Variants in ZNF91 observed in about 807,000 individuals in gnomAD.
ZNF91 encodes the protein zinc finger protein 91 (HPF7, HTF10).
In ZNF91, 7 loss-of-function variants were observed where a neutral mutation model predicts 12.6. The ratio of observed to expected loss-of-function variants is 0.55; its 90% CI spans 0.31 to 1.04. ZNF91 has a LOEUF of 1.04. Among genes scored for constraint, ZNF91 ranks in the 50% least tolerant of loss-of-function variants. ZNF91 has a pLI of 0.05. For missense variants in ZNF91, 1,217 were observed against 1,385.4 expected, an observed-to-expected ratio of 0.88 and a Z score of 1.93; for synonymous variants, 453 against 462.6, an observed-to-expected ratio of 0.98 and a Z score of 0.27.
chr19:23,349,231 C>A (rs1467730891), intron 3 of ZNF91, among the ~76,000 whole-genome samples: 2 of 152,060 alleles, frequency 1.3e-5, no homozygotes, highest in African/African-American at 4.8e-5. Flanking sequence ...AATTCGTACG[C>A]CCCTCCCCTT....
downstream of ZNF91, chr19:23,357,644 G>A (rs765490598): frequency 1.3e-5 from 2 of 151,956 alleles, no homozygotes; most frequent in African/African-American, 4.8e-5. Context: ...CCACATGTTC[G>A]AAGAAAAATA....
At chr19:23,384,784 C>T (rs1462822829) in intron 1 of ZNF91, 10 of 648,630 alleles carry the variant, frequency 1.5e-5, no homozygotes, top group African/African-American at 3.6e-5. Context: ...TAAGTTCTTC[C>T]GGGCCAACAG....
At chr19:23,351,186 A>G (rs1250523196) in intron 3 of ZNF91, among the ~76,000 whole-genome samples, 1 of 152,128 alleles carries the variant, frequency 6.6e-6, no homozygotes, top group East Asian at 1.9e-4. Flanking sequence ...TTAGCTGGGC[A>G]TGATGGCGCA....
At chr19:23,340,481 A>C (rs1248203947) in intron 3 of ZNF91, among the ~76,000 whole-genome samples, 1 of 152,156 alleles carries the variant, frequency 6.6e-6, no homozygotes, top group East Asian at 1.9e-4. Flanking sequence ...TAGAGTCGGG[A>C]AGAAATAGAG....
intron 3 of ZNF91, among the ~76,000 whole-genome samples, chr19:23,369,340 G>T (rs1372875823): frequency 6.6e-6 from 1 of 151,152 alleles, no homozygotes; most frequent in Non-Finnish European, 1.5e-5. Flanking sequence ...CGGGAGGGAG[G>T]TGGGGGGCAG....
Position 23,358,923 on chromosome 19 carries a change from G to T in ZNF91, c.*480C>A. 1 of 250,764 alleles carries T rather than the reference G, an allele frequency of 4.0e-6. No individual in the cohort carries two copies. The allele number at this position is 250,764 out of a possible 1,614,324, so 15.5% of individuals were successfully genotyped here. A position where few individuals can be genotyped will look rare whatever the true frequency, so the allele number is the denominator to read the frequency against. Reference sequence around the variant, plus strand: ...TGTTAAGAATTCAGGACTTTTTATAGACTTTACCACATTATTCACACTTGT... The same window carrying T: ...TGTTAAGAATTCAGGACTTTTTATATACTTTACCACATTATTCACACTTGT... On this transcript the variant is annotated 3_prime_UTR_variant, in exon 4 of 4. Coordinates refer to ENST00000300619, the MANE Select transcript of ZNF91 (RefSeq NM_003430.4).
intron 1 of ZNF91, among the ~76,000 whole-genome samples, chr19:23,316,908 G>A (rs531397386): frequency 3.9e-5 from 6 of 152,224 alleles, no homozygotes; most frequent in Admixed American, 6.5e-5. Context: ...ACCCTTACAC[G>A]TGGACAGAGC....
chr19:23,354,838 G>A (rs1968447883), downstream of ZNF91, among the ~76,000 whole-genome samples: 1 of 151,726 alleles, frequency 6.6e-6, no homozygotes, highest in African/African-American at 2.4e-5. Context: ...ACCAAATGGA[G>A]AATTAAATCA....
At position 23,360,851 on chromosome 19, in the gene ZNF91, C is replaced by T; in HGVS notation, c.2128G>A (p.Gly710Arg). Residue 710 changes from glycine (G) to arginine (R), a missense_variant, in exon 4 of 4, where the codon GGA becomes AGA. By Grantham distance (125) the Gly-to-Arg change is moderately radical (BLOSUM62 -2). This residue lies in a region of ZNF91 where 726 missense variants were observed against 895.5 expected (regional missense o/e 0.81). Transcript: ENST00000300619. ...TCTTCACATTTGTAGAGTTTCTCTC[C>T]AGCATGTATTATTTTATGTTTAGTA... Reference protein sequence around the residue: ...TLTKHKIIHAGEKLYKCEECG... With the variant: ...TLTKHKIIHAREKLYKCEECG... 1 of 1,613,666 alleles carries T rather than the reference C, an allele frequency of 6.2e-7. No homozygotes were observed.
intron 1 of ZNF91, chr19:23,385,414 T>C (rs1969840717): frequency 7.0e-6 from 2 of 287,390 alleles, no homozygotes; most frequent in South Asian, 3.1e-4. Flanking sequence ...TCTAAAATAA[T>C]ATTCTTATAA....
rs778100016 is a variant in ZNF91 at position 23,361,431 on chromosome 19, T to C, written c.1548A>G (p.Lys516=). The part of the protein sequence containing the change: ...TKHKIIHTGE[K]PYKFEECGKA... ...TGCCACATTCTTCAAATTTGTAGGG[T>C]TTCTCTCCAGTATGAATTATCTTAT... Residue 516 remains lysine, a synonymous_variant, in exon 4 of 4, where the codon AAA becomes AAG. Coordinates refer to ENST00000300619, the MANE Select transcript of ZNF91 (RefSeq NM_003430.4). 7 of 1,613,446 alleles carry C rather than the reference T, an allele frequency of 4.3e-6. No individual in the cohort carries two copies. The African/African-American group carries it at 5.3e-5, about 12-fold the overall frequency.
chr19:23,394,450 G>C (rs918460392), intron 1 of ZNF91, among the ~76,000 whole-genome samples: 1 of 152,108 alleles, frequency 6.6e-6, no homozygotes, highest in South Asian at 2.1e-4. Context: ...AAGAAACTAG[G>C]CCAGGTGCGG....
chr19:23,362,240 A>G lies in ZNF91; in HGVS notation c.739T>C (p.Phe247Leu). The change falls in exon 4 of 4, where the codon TTT becomes CTT. Residue 247 changes from phenylalanine to leucine, a missense_variant. Coordinates refer to ENST00000300619, the MANE Select transcript of ZNF91 (RefSeq NM_003430.4). ...PYKCEECGKA[F>L]KQLSTLTTHK... Reference sequence around the variant, plus strand: ...GTAGTAAGGGTTGAGAGCTGCTTAAAAGCTTTGCCACATTCTTCACATTTG... The same window carrying G: ...GTAGTAAGGGTTGAGAGCTGCTTAAGAGCTTTGCCACATTCTTCACATTTG... 1 of 1,614,088 alleles carries G rather than the reference A, an allele frequency of 6.2e-7. No homozygotes were observed. The highest frequency in any genetic ancestry group is 1.7e-5 in the Admixed American group (1 of 60,030).
chr19:23,388,742 G>A lies in ZNF91; in HGVS notation c.30+6583C>T, dbSNP rs971015889. ...ACAAAAATTAGCCAGGCATGGTGGTGGGCACCTGTAATCCCAAGCTACTTG... is the reference window on the plus strand; with the variant it reads ...ACAAAAATTAGCCAGGCATGGTGGTAGGCACCTGTAATCCCAAGCTACTTG... On this transcript the variant is annotated intron_variant, in intron 1 of 3. Coordinates refer to ENST00000300619, the MANE Select transcript of ZNF91 (RefSeq NM_003430.4). Among the ~76,000 whole-genome samples the A allele has an allele frequency of 5.9e-5, 9 of 152,142 alleles. No homozygotes were observed. The East Asian group carries it at 1.5e-3, about 26-fold the overall frequency.
chr19:23,312,845 G>A (rs190920972), upstream of ZNF91, among the ~76,000 whole-genome samples: 19 of 152,280 alleles, frequency 1.2e-4, no homozygotes, highest in African/African-American at 3.4e-4. Flanking sequence ...TCACCAAGTC[G>A]ACAGAAAAGA....
intron 1 of ZNF91, among the ~76,000 whole-genome samples, chr19:23,320,506 C>A (rs905189527): frequency 7.9e-5 from 12 of 152,148 alleles, no homozygotes; most frequent in African/African-American, 2.7e-4. Flanking sequence ...AATCAGGAAC[C>A]TTCTTCACAA....
rs1165525466 is a variant in ZNF91 at position 23,395,416 on chromosome 19, C to T, written c.-62G>A. Reference sequence around the variant, plus strand: ...GCCACACAGGCTGGGCCTCCTGGAGCAGAGGACACAGAGCAGTGAAGTCGA... The same window carrying T: ...GCCACACAGGCTGGGCCTCCTGGAGTAGAGGACACAGAGCAGTGAAGTCGA... On this transcript the variant is annotated 5_prime_UTR_variant, in exon 1 of 4. Transcript: ENST00000300619. The T allele has an allele frequency of 2.5e-6, 4 of 1,594,006 alleles. No individual in the cohort carries two copies. Among genetic ancestry groups the T allele is most frequent in the Middle Eastern group, 1.7e-4 (1 of 5,974 alleles).
intron 3 of ZNF91, among the ~76,000 whole-genome samples, chr19:23,365,269 C>A: frequency 6.7e-6 from 1 of 149,328 alleles, no homozygotes; most frequent in South Asian, 2.1e-4. Context: ...AAAAAGTGAG[C>A]GTGTTCATCA....
At chr19:23,316,557 G>A (rs949287619) in intron 1 of ZNF91, among the ~76,000 whole-genome samples, 3 of 152,112 alleles carry the variant, frequency 2.0e-5, no homozygotes, top group Admixed American at 2.0e-4. Context: ...TGTCAGGGAA[G>A]ATTGTGACAT....
Sources: allele counts gnomAD v4.1 joint callset (sites outside exome capture counted in the v4.1 genomes callset), GRCh38; gene constraint gnomAD v4.1.1; regional missense constraint gnomAD v4.1.1; transcripts MANE v1.5; gene names NCBI Gene and HGNC (gene_info 2026-07-23, HGNC 2026-07-21).